Variants in FHIT observed in about 807,000 individuals in gnomAD.
FHIT encodes bis(5'-adenosyl)-triphosphatase.
FHIT carries 19 observed loss-of-function variants against 17.9 expected under a neutral mutation model. The ratio of observed to expected loss-of-function variants is 1.06; its 90% CI spans 0.74 to 1.56. The LOEUF (loss-of-function observed/expected upper bound fraction) is 1.56. Ranked by LOEUF, FHIT falls within the 40% of genes most tolerant of loss-of-function variation. The pLI is 0.00. For missense variants in FHIT, 248 were observed against 189.2 expected (o/e 1.31, Z -1.82); for synonymous variants, 81 against 69.7 (o/e 1.16, Z -0.81).
chr3:61,219,993 C>G (rs141365631), intron 1 of FHIT, among the ~76,000 whole-genome samples: 3 of 152,338 alleles, frequency 2.0e-5, no homozygotes, highest in Non-Finnish European at 2.9e-5. Flanking sequence ...GGATTTGCCT[C>G]TATTGTTGCA....
At chr3:60,082,838 T>A (rs967012397) in intron 5 of FHIT, among the ~76,000 whole-genome samples, 3 of 152,144 alleles carry the variant, frequency 2.0e-5, no homozygotes, top group Admixed American at 1.3e-4. Context: ...GCTTGTTGAA[T>A]TGTTGAAGTT....
At chr3:60,902,629 G>C (rs1706180387) in intron 3 of FHIT, among the ~76,000 whole-genome samples, 1 of 152,162 alleles carries the variant, frequency 6.6e-6, no homozygotes, top group Non-Finnish European at 1.5e-5. Context: ...ATGGTATAAT[G>C]GAAACTGTTT....
intron 3 of FHIT, among the ~76,000 whole-genome samples, chr3:60,884,888 G>T (rs1445419558): frequency 1.4e-5 from 2 of 138,090 alleles, no homozygotes; most frequent in Non-Finnish European, 3.1e-5. Flanking sequence ...TCCAGCCTAG[G>T]TGACAGACTG....
chr3:59,851,615 G>T (rs920708159), intron 8 of FHIT, among the ~76,000 whole-genome samples: 2 of 152,118 alleles, frequency 1.3e-5, no homozygotes, highest in Non-Finnish European at 2.9e-5. Context: ...CTTAGTCATT[G>T]TTGCAAAGCT....
chr3:60,071,600 T>C (rs1440917394), intron 5 of FHIT, among the ~76,000 whole-genome samples: 2 of 152,132 alleles, frequency 1.3e-5, no homozygotes, highest in Non-Finnish European at 2.9e-5. Flanking sequence ...GAATAAGACT[T>C]GTTGAATGTC....
intron 5 of FHIT, among the ~76,000 whole-genome samples, chr3:60,118,448 T>C (rs2107209205): frequency 1.3e-5 from 2 of 151,976 alleles, no homozygotes; most frequent in South Asian, 2.1e-4. Flanking sequence ...AATTCAAATA[T>C]AGGTAGCGTT....
intron 5 of FHIT, among the ~76,000 whole-genome samples, chr3:60,059,719 A>G (rs926318477): frequency 1.3e-5 from 2 of 152,084 alleles, no homozygotes; most frequent in African/African-American, 4.8e-5. Flanking sequence ...GCCCCCAACA[A>G]AAAGAGCAGA....
chr3:61,021,203 C>G lies in FHIT; in HGVS notation c.-111+20844G>C, dbSNP rs141765894. On this transcript the variant is annotated intron_variant, in intron 3 of 9. Transcript: ENST00000492590. ...CCTAACAGACATCTACAGAACTCTCCACCCCAAATCAACAGAATATACATT... is the reference window on the plus strand; with the variant it reads ...CCTAACAGACATCTACAGAACTCTCGACCCCAAATCAACAGAATATACATT... Among the ~76,000 whole-genome samples the G allele has an allele frequency of 9.0e-3, 1,367 of 152,276 alleles. 24 individuals are homozygous for G. The highest frequency in any genetic ancestry group is 0.031 in the African/African-American group (1,290 of 41,544).
intron 2 of FHIT, among the ~76,000 whole-genome samples, chr3:61,198,695 C>G (rs2038924914): frequency 6.6e-6 from 1 of 152,144 alleles, no homozygotes; most frequent in Non-Finnish European, 1.5e-5. Context: ...AATAACTTTT[C>G]ACTTCCAGAG....
chr3:60,263,875 T>A (rs1706430552), intron 5 of FHIT, among the ~76,000 whole-genome samples: 1 of 151,790 alleles, frequency 6.6e-6, no homozygotes, highest in Non-Finnish European at 1.5e-5. Flanking sequence ...CACATTAGAA[T>A]AATTGGCAGT....
At chr3:60,077,072 T>C (rs949692539) in intron 5 of FHIT, among the ~76,000 whole-genome samples, 1 of 152,032 alleles carries the variant, frequency 6.6e-6, no homozygotes, top group Non-Finnish European at 1.5e-5. Flanking sequence ...AAATATATTT[T>C]TTTCATAGCA....
chr3:59,818,225 A>T (rs1055540316), intron 8 of FHIT, among the ~76,000 whole-genome samples: 2 of 152,152 alleles, frequency 1.3e-5, no homozygotes, highest in Admixed American at 1.3e-4. Context: ...ATTCATTATG[A>T]ATCAGCCCAC....
intron 8 of FHIT, 82 bp downstream of exon 8, chr3:59,922,264 G>C: frequency 8.6e-7 from 1 of 1,162,210 alleles, no homozygotes; most frequent in African/African-American, 1.5e-5. Context: ...CATATCTAGG[G>C]TAATACTTGA....
intron 5 of FHIT, among the ~76,000 whole-genome samples, chr3:60,172,439 ATT>A (rs563530884): frequency 1.3e-4 from 17 of 134,362 alleles, no homozygotes; most frequent in Admixed American, 2.3e-4. Flanking sequence ...CTAATTTTGT[ATT>A]TTTTTTTTTT....
At chr3:60,444,515 TA>T (rs1468603394) in intron 5 of FHIT, among the ~76,000 whole-genome samples, 23 of 152,096 alleles carry the variant, frequency 1.5e-4, no homozygotes, top group Middle Eastern at 3.4e-3. Context: ...TATGCAGCCA[TA>T]AAAAAATGAT....
chr3:60,421,190 T>C (rs1196679688), intron 5 of FHIT, among the ~76,000 whole-genome samples: 1 of 152,124 alleles, frequency 6.6e-6, no homozygotes, highest in Non-Finnish European at 1.5e-5. Flanking sequence ...CTTTGCTTTA[T>C]GGCTTGACTT....
At chr3:60,432,403 G>A (rs772894707) in intron 5 of FHIT, among the ~76,000 whole-genome samples, 5 of 152,080 alleles carry the variant, frequency 3.3e-5, no homozygotes, top group Non-Finnish European at 7.4e-5. Flanking sequence ...TAATGAAAAG[G>A]AAAGAGCTCT....
chr3:60,221,591 G>A (rs1016543124), intron 5 of FHIT, among the ~76,000 whole-genome samples: 2 of 152,190 alleles, frequency 1.3e-5, no homozygotes, highest in South Asian at 4.1e-4. Flanking sequence ...CCTTCATGCG[G>A]TGGCTGCCTA....
In FHIT at chr3:60,473,923, C is replaced by CAA. The variant is rs71710853; in HGVS notation, c.103+62935_103+62936dup. Among the ~76,000 whole-genome samples, 5 of 147,138 alleles carry CAA rather than the reference C, an allele frequency of 3.4e-5. No homozygotes were observed. In the East Asian group the frequency reaches 5.9e-4, roughly 17 times the overall value. ...GGGTGACAGAGCGAGACTCCATTTC[C>CAA]AAAAAAAAAAGAAAAAAAGAAAACC... On this transcript the variant is annotated intron_variant, in intron 5 of 9. Coordinates refer to ENST00000492590, the MANE Select transcript of FHIT (RefSeq NM_002012.4).
Sources: allele counts gnomAD v4.1 joint callset (sites outside exome capture counted in the v4.1 genomes callset), GRCh38; gene constraint gnomAD v4.1.1; transcripts MANE v1.5; gene names NCBI Gene and HGNC (gene_info 2026-07-23, HGNC 2026-07-21).